The following TSPAN11 variants were observed in gnomAD, a reference collection of about 807,000 sequenced individuals.
TSPAN11 encodes tetraspanin-11.
In TSPAN11, 29 loss-of-function variants were observed where a neutral mutation model predicts 32.9. The ratio of observed to expected loss-of-function variants is 0.88; its 90% CI spans 0.66 to 1.20. TSPAN11 has a LOEUF of 1.20. Ranked by LOEUF, TSPAN11 falls within the 50% of genes most tolerant of loss-of-function variation. TSPAN11 has a pLI of 0.00. For missense variants in TSPAN11, 283 were observed against 329.1 expected (o/e 0.86, Z 1.08); for synonymous variants, 140 against 141.3 (o/e 0.99, Z 0.07).
chr12:30,957,134 G>A (rs1038023902), intron 2 of TSPAN11, among the ~76,000 whole-genome samples: 89 of 152,214 alleles, frequency 5.8e-4, no homozygotes, highest in African/African-American at 1.9e-3. Flanking sequence ...CCCACTGAAC[G>A]TGGCTGCTGC....
At chr12:30,948,038 G>C (rs1938304502) in intron 1 of TSPAN11, among the ~76,000 whole-genome samples, 1 of 152,160 alleles carries the variant, frequency 6.6e-6, no homozygotes, top group African/African-American at 2.4e-5. Context: ...GCCCATGCAA[G>C]TCCAAAATCC....
intron 2 of TSPAN11, among the ~76,000 whole-genome samples, chr12:30,955,650 T>G (rs892823833): frequency 1.1e-4 from 16 of 152,212 alleles, no homozygotes; most frequent in Non-Finnish European, 2.2e-4. Context: ...AAGCTCCCTA[T>G]GAGACTTGGA....
chr12:30,946,896 T>A (rs1206187099), intron 1 of TSPAN11, among the ~76,000 whole-genome samples: 1 of 151,750 alleles, frequency 6.6e-6, no homozygotes, highest in East Asian at 1.9e-4. Flanking sequence ...CAGGTGGGAG[T>A]CTCTGCCTTG....
intron 1 of TSPAN11, among the ~76,000 whole-genome samples, chr12:30,929,016 C>A (rs1478303392): frequency 2.6e-5 from 4 of 152,182 alleles, no homozygotes; most frequent in Admixed American, 6.5e-5. Flanking sequence ...AGGGGATGTG[C>A]ATATGTGTTT....
chr12:31,016,498 A>C, the TSPAN11 span, among the ~76,000 whole-genome samples: 1 of 151,984 alleles, frequency 6.6e-6, no homozygotes, highest in Non-Finnish European at 1.5e-5. Context: ...AAAGGAGAGG[A>C]GAGGAGAGAA....
chr12:31,000,780 A>G (rs1465513822), downstream of TSPAN11, among the ~76,000 whole-genome samples: 1 of 152,254 alleles, frequency 6.6e-6, no homozygotes, highest in Non-Finnish European at 1.5e-5. Flanking sequence ...ACGTTTAATT[A>G]CACCATGCTG....
chr12:30,944,494 C>T (rs1805941315), intron 1 of TSPAN11, among the ~76,000 whole-genome samples: 1 of 152,152 alleles, frequency 6.6e-6, no homozygotes, highest in African/African-American at 2.4e-5. Flanking sequence ...CTGTGCCTGG[C>T]TTATTTCGCT....
At position 30,954,035 on chromosome 12, in the gene TSPAN11, A is replaced by G. The variant is rs1413537654; in HGVS notation, c.44A>G (p.Tyr15Cys). ...GAGCAGGACGACTGGCTGATCATCT[A>G]CTTGAAGTATTTACTCTTTGTCTTC... ...KTEQDDWLII[Y>C]LKYLLFVFNF... The change falls in exon 2 of 8, where the codon TAC becomes TGC. Residue 15 changes from tyrosine (Y) to cysteine (C), a missense_variant. Tyr to Cys is a radical substitution (Grantham distance 194). Transcript: ENST00000546076. 3 of 1,613,978 alleles carry G rather than the reference A, an allele frequency of 1.9e-6. No homozygotes were observed. The highest frequency in any genetic ancestry group is 2.2e-5 in the East Asian group (1 of 44,884).
chr12:30,990,479 C>T (rs183877655), intron 7 of TSPAN11, among the ~76,000 whole-genome samples: 1 of 152,320 alleles, frequency 6.6e-6, no homozygotes, highest in Admixed American at 6.5e-5. Context: ...GCATGACGGC[C>T]GCCTGCGTAA....
chr12:30,950,952 A>G (rs1938369194), intron 1 of TSPAN11, among the ~76,000 whole-genome samples: 1 of 152,250 alleles, frequency 6.6e-6, no homozygotes, highest in South Asian at 2.1e-4. Context: ...TTTACAACCT[A>G]TAAAATATCT....
At chr12:30,970,738 T>A (rs1019921570) in intron 3 of TSPAN11, among the ~76,000 whole-genome samples, 1 of 152,166 alleles carries the variant, frequency 6.6e-6, no homozygotes, top group Non-Finnish European at 1.5e-5. Context: ...ACCCAGGCGC[T>A]GAGCCCTGGG....
chr12:30,931,679 A>C (rs1286595357), intron 1 of TSPAN11, among the ~76,000 whole-genome samples: 2 of 152,084 alleles, frequency 1.3e-5, no homozygotes, highest in Non-Finnish European at 2.9e-5. Context: ...CAGGAGTTCA[A>C]GACCAGCCTG....
chr12:31,007,135 G>A, the TSPAN11 span, among the ~76,000 whole-genome samples: 13 of 150,524 alleles, frequency 8.6e-5, no homozygotes, highest in Admixed American at 2.6e-4. Flanking sequence ...GTGTAGACTC[G>A]CTGTCCACCC....
chr12:31,001,442 T>C (rs562731958), downstream of TSPAN11, among the ~76,000 whole-genome samples: 7 of 152,360 alleles, frequency 4.6e-5, no homozygotes, highest in African/African-American at 1.2e-4. Context: ...ATCATCAGCA[T>C]TGACCTGCAA....
chr12:30,978,649 C>T lies in TSPAN11; in HGVS notation c.351+14C>T. On this transcript the variant is annotated intron_variant, in intron 4 of 7. Coordinates refer to ENST00000546076, the MANE Select transcript of TSPAN11 (RefSeq NM_001370302.1). The stretch of plus-strand genomic sequence containing the variant: ...TATTACCAGAGGGTAAGTGACGTTT[C>T]CTCCTCCTGCATCCTCTGTCAGTGT... 1 of 1,613,362 alleles carries T rather than the reference C, an allele frequency of 6.2e-7. No homozygotes were observed. Among genetic ancestry groups the T allele is most frequent in the Non-Finnish European group, 8.5e-7 (1 of 1,179,282 alleles).
chr12:30,989,164 A>C (rs1170783230), intron 7 of TSPAN11, among the ~76,000 whole-genome samples: 1 of 152,188 alleles, frequency 6.6e-6, no homozygotes, highest in African/African-American at 2.4e-5. Context: ...ACTTGAAGGA[A>C]GGGGACAGGT....
chr12:30,965,863 G>A (rs1157253027), intron 3 of TSPAN11, among the ~76,000 whole-genome samples: 1 of 152,164 alleles, frequency 6.6e-6, no homozygotes, highest in African/African-American at 2.4e-5. Flanking sequence ...AGGGGGCACA[G>A]GAGAGGCACA....
At chr12:31,006,776 C>T in the TSPAN11 span, among the ~76,000 whole-genome samples, 1 of 152,256 alleles carries the variant, frequency 6.6e-6, no homozygotes, top group Non-Finnish European at 1.5e-5. Context: ...TCAGACTCCT[C>T]ATTTATTAAT....
rs1459955763 is a variant in TSPAN11 at position 30,995,237 on chromosome 12, T to G, written c.*3322T>G. On this transcript the variant is annotated 3_prime_UTR_variant, in exon 8 of 8. Transcript: ENST00000546076. ...GGGCCTTCATGCAGGGTGCAGAATC[T>G]CATGTCCACATGGAGGTCACCCCTC... 1 of 152,254 alleles carries G rather than the reference T, an allele frequency of 6.6e-6. No individual in the cohort carries two copies. The highest frequency in any genetic ancestry group is 2.4e-5 in the African/African-American group (1 of 41,430). The allele number at this position is 152,254 out of a possible 1,614,324, so 9.4% of individuals were successfully genotyped here. A position where few individuals can be genotyped will look rare whatever the true frequency, so the allele number is the denominator to read the frequency against.
Sources: gnomAD v4.1 joint callset for allele counts (sites outside exome capture counted in the v4.1 genomes callset) on GRCh38, gnomAD v4.1.1 for gene constraint, MANE v1.5 for transcripts, NCBI Gene and HGNC (gene_info 2026-07-23, HGNC 2026-07-21) for gene names.